GRID1: variants seen among roughly 807,000 people sequenced by gnomAD.
GRID1 encodes glutamate receptor ionotropic, delta-1.
A neutral mutation model predicts 98.0 loss-of-function variants in GRID1; 28 were observed. That is an observed-to-expected ratio of 0.29 (90% confidence interval 0.21 to 0.39). The LOEUF (loss-of-function observed/expected upper bound fraction) is 0.39. GRID1 is among the 10% of genes least tolerant of loss of function. The pLI is 1.00. For missense variants in GRID1, 1,111 were observed against 1,340.5 expected (o/e 0.83, Z 2.67); for synonymous variants, 553 against 538.5 (o/e 1.03, Z -0.37).
intron 8 of GRID1, among the ~76,000 whole-genome samples, chr10:85,807,750 C>T (rs776930784): frequency 6.6e-6 from 1 of 151,966 alleles, no homozygotes; most frequent in Admixed American, 6.5e-5. Flanking sequence ...AGATGAGGAT[C>T]AGTGGAATAT....
chr10:86,100,359 T>C (rs562397816), intron 4 of GRID1, among the ~76,000 whole-genome samples: 1 of 152,272 alleles, frequency 6.6e-6, no homozygotes, highest in Non-Finnish European at 1.5e-5. Flanking sequence ...TATTCAATCA[T>C]TTAGTCAAAT....
At chr10:86,183,745 C>G (rs1845690808) in intron 3 of GRID1, among the ~76,000 whole-genome samples, 1 of 152,232 alleles carries the variant, frequency 6.6e-6, no homozygotes, top group East Asian at 1.9e-4. Flanking sequence ...CTACTGAAAT[C>G]TTCATGTGGA....
chr10:86,034,871 T>C (rs1843234139), intron 4 of GRID1, among the ~76,000 whole-genome samples: 1 of 151,666 alleles, frequency 6.6e-6, no homozygotes, highest in Non-Finnish European at 1.5e-5. Flanking sequence ...GGTTGGTGGA[T>C]GGATGGATGA....
intron 2 of GRID1, among the ~76,000 whole-genome samples, chr10:86,323,210 G>C (rs547007220): frequency 6.6e-6 from 1 of 152,208 alleles, no homozygotes; most frequent in African/African-American, 2.4e-5. Context: ...GCAACTTCTC[G>C]AGAGCCGGGG....
At chr10:85,784,666 GA>G (rs1268800270) in intron 8 of GRID1, among the ~76,000 whole-genome samples, 1 of 152,184 alleles carries the variant, frequency 6.6e-6, no homozygotes, top group Admixed American at 6.5e-5. Flanking sequence ...CTAAGCTCCT[GA>G]GTCACAGTAC....
chr10:86,124,605 C>T (rs1325339996), intron 4 of GRID1, among the ~76,000 whole-genome samples: 1 of 152,218 alleles, frequency 6.6e-6, no homozygotes, highest in African/African-American at 2.4e-5. Context: ...TCACTACCCA[C>T]ATGACTTTTG....
intron 8 of GRID1, among the ~76,000 whole-genome samples, chr10:85,844,962 A>G (rs7899700): frequency 0.26 from 39,664 of 151,788 alleles, 5,548 homozygotes; most frequent in African/African-American, 0.35. Context: ...AAAAAAGAAC[A>G]TCAACCAAAA....
chr10:85,921,881 C>T (rs556066229), intron 4 of GRID1, among the ~76,000 whole-genome samples: 34 of 152,300 alleles, frequency 2.2e-4, no homozygotes, highest in African/African-American at 8.2e-4. Flanking sequence ...TAACCACCCC[C>T]CAAGATACTT....
At chr10:86,026,907 C>T (rs1843123325) in intron 4 of GRID1, among the ~76,000 whole-genome samples, 1 of 152,148 alleles carries the variant, frequency 6.6e-6, no homozygotes, top group South Asian at 2.1e-4. Context: ...CTGTTCCTGG[C>T]CTGTAAAGTA....
intron 8 of GRID1, among the ~76,000 whole-genome samples, chr10:85,829,249 A>T (rs1304072822): frequency 6.6e-6 from 1 of 152,154 alleles, no homozygotes; most frequent in Non-Finnish European, 1.5e-5. Flanking sequence ...GATAAAATGG[A>T]ACATTCCTTA....
chr10:86,245,045 C>G (rs1016410814), intron 2 of GRID1, among the ~76,000 whole-genome samples: 1 of 152,230 alleles, frequency 6.6e-6, no homozygotes, highest in Non-Finnish European at 1.5e-5. Context: ...CGCACTGATT[C>G]CATGTTTTCA....
chr10:86,063,480 C>T (rs1285862850), intron 4 of GRID1, among the ~76,000 whole-genome samples: 2 of 152,082 alleles, frequency 1.3e-5, no homozygotes, highest in African/African-American at 4.8e-5. Flanking sequence ...CAAAACTGGG[C>T]AAGTGTGCAA....
At chr10:85,824,471 C>T (rs1228762790) in intron 8 of GRID1, among the ~76,000 whole-genome samples, 1 of 152,230 alleles carries the variant, frequency 6.6e-6, no homozygotes, top group Non-Finnish European at 1.5e-5. Flanking sequence ...CTTGGCCTCC[C>T]AAGGTGCTGG....
At chr10:85,617,141 C>T (rs536576379) in intron 14 of GRID1, among the ~76,000 whole-genome samples, 8 of 152,116 alleles carry the variant, frequency 5.3e-5, no homozygotes, top group African/African-American at 9.7e-5. Context: ...CTGCAAATGG[C>T]ATCAGGCATT....
chr10:85,795,923 G>C (rs1842522486), intron 8 of GRID1, among the ~76,000 whole-genome samples: 1 of 152,178 alleles, frequency 6.6e-6, no homozygotes, highest in Non-Finnish European at 1.5e-5. Flanking sequence ...CTGAGATGGA[G>C]AGTCACAGGA....
chr10:86,149,308 G>T (rs1271155440), intron 3 of GRID1, among the ~76,000 whole-genome samples: 1 of 152,244 alleles, frequency 6.6e-6, no homozygotes, highest in Non-Finnish European at 1.5e-5. Flanking sequence ...GGAGCCTTCT[G>T]CTCAGACAGG....
chr10:86,220,302 G>A (rs1589415531), intron 2 of GRID1, among the ~76,000 whole-genome samples: 2 of 152,304 alleles, frequency 1.3e-5, no homozygotes, highest in South Asian at 4.1e-4. Context: ...CCAGCGGTAA[G>A]AGGATAGGTT....
intron 2 of GRID1, among the ~76,000 whole-genome samples, chr10:86,230,276 C>T (rs541310159): frequency 1.1e-4 from 17 of 151,332 alleles, no homozygotes; most frequent in African/African-American, 3.4e-4. Context: ...TCAAGAACTA[C>T]GGAGGAGAGA....
intron 8 of GRID1, among the ~76,000 whole-genome samples, chr10:85,765,667 C>G (rs181149353): frequency 2.2e-4 from 33 of 152,294 alleles, no homozygotes; most frequent in Non-Finnish European, 3.5e-4. Context: ...TAGGTCCCAT[C>G]CCCAAGATAT....
Sources: allele counts gnomAD v4.1 joint callset (sites outside exome capture counted in the v4.1 genomes callset), GRCh38; gene constraint gnomAD v4.1.1; transcripts MANE v1.5; gene names NCBI Gene and HGNC (gene_info 2026-07-23, HGNC 2026-07-21).